Variants in NKAIN2 observed in about 807,000 individuals in gnomAD.
The protein encoded by NKAIN2 is sodium/potassium-transporting ATPase subunit beta-1-interacting protein 2.
A neutral mutation model predicts 32.6 loss-of-function variants in NKAIN2; 14 were observed. That is an observed-to-expected ratio of 0.43 (90% CI 0.28 to 0.67). NKAIN2 has a LOEUF of 0.67. Among genes scored for constraint, NKAIN2 ranks in the 30% least tolerant of loss-of-function variants. The pLI, the probability that NKAIN2 is intolerant of heterozygous loss-of-function variation, is 0.17. For missense variants in NKAIN2, 198 were observed against 258.3 expected, an observed-to-expected ratio of 0.77 and a Z score of 1.60; for synonymous variants, 80 against 87.2, an observed-to-expected ratio of 0.92 and a Z score of 0.46.
intron 3 of NKAIN2, among the ~76,000 whole-genome samples, chr6:124,594,537 G>A (rs1477783499): frequency 2.6e-5 from 4 of 152,180 alleles, no homozygotes; most frequent in African/African-American, 7.2e-5. Flanking sequence ...AATGTGTCTA[G>A]GGATATTTCC....
intron 2 of NKAIN2, among the ~76,000 whole-genome samples, chr6:124,344,818 C>G (rs1324115013): frequency 6.6e-6 from 1 of 152,114 alleles, no homozygotes; most frequent in African/African-American, 2.4e-5. Flanking sequence ...ACTGAATACC[C>G]TTTATTTCCT....
intron 3 of NKAIN2, among the ~76,000 whole-genome samples, chr6:124,459,526 A>G (rs1017526591): frequency 6.6e-5 from 10 of 151,880 alleles, no homozygotes; most frequent in African/African-American, 2.2e-4. Flanking sequence ...TAGAAAAACC[A>G]TCTTGACACC....
At chr6:124,751,168 G>A (rs1441251305) in intron 4 of NKAIN2, among the ~76,000 whole-genome samples, 1 of 152,028 alleles carries the variant, frequency 6.6e-6, no homozygotes, top group Non-Finnish European at 1.5e-5. Context: ...GGCACCTAAT[G>A]ACGTTAGGCT....
At chr6:124,757,585 A>G (rs770273671) in intron 4 of NKAIN2, among the ~76,000 whole-genome samples, 11 of 152,172 alleles carry the variant, frequency 7.2e-5, no homozygotes, top group Non-Finnish European at 1.3e-4. Context: ...GTTTAGGCCA[A>G]TTGATGCATG....
intron 4 of NKAIN2, among the ~76,000 whole-genome samples, chr6:124,787,338 T>C (rs1368995461): frequency 6.6e-6 from 1 of 151,980 alleles, no homozygotes; most frequent in African/African-American, 2.4e-5. Flanking sequence ...AATTAAAAAA[T>C]TAAAAAGAAG....
At chr6:124,408,589 G>C (rs1006494111) in intron 3 of NKAIN2, among the ~76,000 whole-genome samples, 1 of 152,128 alleles carries the variant, frequency 6.6e-6, no homozygotes, top group African/African-American at 2.4e-5. Context: ...ATGCTGTTTT[G>C]GTTACTGTAG....
At chr6:123,887,810 C>T (rs1773799213) in intron 1 of NKAIN2, among the ~76,000 whole-genome samples, 2 of 152,168 alleles carry the variant, frequency 1.3e-5, no homozygotes, top group South Asian at 2.1e-4. Context: ...TTTCCTTCTG[C>T]TTTGAGAGAC....
intron 1 of NKAIN2, among the ~76,000 whole-genome samples, chr6:123,872,435 G>A (rs1772940055): frequency 6.6e-6 from 1 of 152,314 alleles, no homozygotes; most frequent in Admixed American, 6.5e-5. Context: ...AAATTCCCAG[G>A]CTCCCAGGGG....
At chr6:124,301,572 A>G (rs1796293861) in intron 2 of NKAIN2, among the ~76,000 whole-genome samples, 1 of 152,160 alleles carries the variant, frequency 6.6e-6, no homozygotes, top group African/African-American at 2.4e-5. Flanking sequence ...GAAAGCGGCT[A>G]GGAGGGCTGC....
chr6:124,443,302 T>G (rs777654519), intron 3 of NKAIN2, among the ~76,000 whole-genome samples: 2 of 152,134 alleles, frequency 1.3e-5, no homozygotes, highest in Admixed American at 6.6e-5. Context: ...ATCAATATAG[T>G]GAACAAAGAT....
intron 3 of NKAIN2, among the ~76,000 whole-genome samples, chr6:124,571,759 C>G (rs1781136431): frequency 6.6e-6 from 1 of 152,144 alleles, no homozygotes. Flanking sequence ...AGATTTCCAT[C>G]AACAATTCAT....
intron 3 of NKAIN2, among the ~76,000 whole-genome samples, chr6:124,634,451 A>C (rs1783695159): frequency 6.6e-6 from 1 of 152,124 alleles, no homozygotes; most frequent in Admixed American, 6.5e-5. Context: ...TTTGTGAATA[A>C]AATTAAAAGT....
At chr6:124,421,991 C>T (rs915555990) in intron 3 of NKAIN2, among the ~76,000 whole-genome samples, 2 of 151,792 alleles carry the variant, frequency 1.3e-5, no homozygotes, top group Non-Finnish European at 2.9e-5. Context: ...TGGTCCCCTT[C>T]AGTAGGAAAT....
At chr6:124,495,413 T>C (rs1047459318) in intron 3 of NKAIN2, among the ~76,000 whole-genome samples, 16 of 151,780 alleles carry the variant, frequency 1.1e-4, no homozygotes, top group Admixed American at 1.1e-3. Flanking sequence ...TGTTATGTTT[T>C]CCCTTGACCA....
intron 1 of NKAIN2, among the ~76,000 whole-genome samples, chr6:124,281,563 G>C (rs1055213050): frequency 3.9e-5 from 6 of 152,132 alleles, no homozygotes; most frequent in African/African-American, 4.8e-5. Context: ...CTTTAGCACA[G>C]GGTATAACAA....
intron 3 of NKAIN2, among the ~76,000 whole-genome samples, chr6:124,412,672 G>T (rs979249430): frequency 6.6e-6 from 1 of 152,180 alleles, no homozygotes; most frequent in Non-Finnish European, 1.5e-5. Flanking sequence ...CAAGCTGCGT[G>T]CTGGGAGAAC....
At position 124,561,928 on chromosome 6, in the gene NKAIN2, T is replaced by C. The variant is rs145245870; in HGVS notation, c.274-96258T>C. 4.9e-3 allele frequency among the ~76,000 whole-genome samples: 748 copies of C among 152,336 alleles called. 7 individuals are homozygous for C. The highest frequency in any genetic ancestry group is 0.016 in the African/African-American group (659 of 41,582). ...AGTCAAAGCAATGCATATGGTACCT[T>C]ACATTCAAGTGAACTGACTTCAATC... On this transcript the variant is annotated intron_variant, in intron 3 of 6. Coordinates refer to ENST00000368417, the MANE Select transcript of NKAIN2 (RefSeq NM_001040214.3).
chr6:124,357,950 T>G (rs914149951), intron 3 of NKAIN2, among the ~76,000 whole-genome samples: 2 of 152,038 alleles, frequency 1.3e-5, no homozygotes, highest in Non-Finnish European at 2.9e-5. Context: ...AACAGGCCCC[T>G]GTGTGTGATG....
chr6:124,033,059 G>T (rs543517422), intron 1 of NKAIN2, among the ~76,000 whole-genome samples: 1 of 152,154 alleles, frequency 6.6e-6, no homozygotes, highest in Admixed American at 6.6e-5. Context: ...AATATAAAAT[G>T]CTGAGCCAGA....
Sources: allele counts gnomAD v4.1 joint callset (sites outside exome capture counted in the v4.1 genomes callset), GRCh38; gene constraint gnomAD v4.1.1; transcripts MANE v1.5; gene names NCBI Gene and HGNC (gene_info 2026-07-23, HGNC 2026-07-21).